NECAP1: variants seen among roughly 807,000 people sequenced by gnomAD.
The protein encoded by NECAP1 is adaptin ear-binding coat-associated protein 1.
Under a neutral mutation model 33.4 loss-of-function variants are expected in NECAP1, and 13 were observed. The observed-to-expected ratio is 0.39, with a 90% CI of 0.25 to 0.62. The LOEUF is 0.62. Ranked by LOEUF, NECAP1 falls within the 20% of genes least tolerant of loss-of-function variation. NECAP1 has a pLI of 0.52. For synonymous variants in NECAP1, 109 were observed against 125.2 expected (o/e 0.87, Z 0.86); for missense variants, 272 against 347.4 (o/e 0.78, Z 1.73).
chr12:8,091,857 G>A lies in NECAP1; in HGVS notation c.383+7G>A. On this transcript the variant is annotated splice_region_variant and intron_variant, in intron 4 of 7. Coordinates refer to ENST00000339754, the MANE Select transcript of NECAP1 (RefSeq NM_015509.4). ...CCTTGCAGGATCACTTCAAGTGAGT[G>A]AAGCTTGTCCTTAGTTACGAGGCTG... is the stretch of plus-strand genomic sequence containing the variant. The A allele has an allele frequency of 6.2e-7, 1 of 1,611,202 alleles. No homozygotes were observed. The highest frequency in any genetic ancestry group is 8.5e-7 in the Non-Finnish European group (1 of 1,178,294).
At chr12:8,086,378 C>T (rs1400223957) in intron 1 of NECAP1, among the ~76,000 whole-genome samples, 3 of 151,978 alleles carry the variant, frequency 2.0e-5, no homozygotes, top group Admixed American at 1.3e-4. Flanking sequence ...TTTGGGAGGC[C>T]GAGGCGCACG....
chr12:8,086,291 A>G (rs1947489425), intron 1 of NECAP1, among the ~76,000 whole-genome samples: 1 of 152,140 alleles, frequency 6.6e-6, no homozygotes, highest in Non-Finnish European at 1.5e-5. Flanking sequence ...AGACTTCTAG[A>G]CTATGGGAAG....
Position 8,082,391 on chromosome 12 carries a change from C to T in NECAP1, c.95+8C>T. 6.2e-6 allele frequency: 10 copies of T among 1,612,268 alleles called. No individual in the cohort carries two copies. Among genetic ancestry groups the T allele is most frequent in the Non-Finnish European group, 8.5e-6 (10 of 1,178,630 alleles). Reference sequence around the variant, plus strand: ...CTCCAACCGCGGTTACAGGTACTAACCCCGAGGCGCTGCCGCACACGCGTA... The same window carrying T: ...CTCCAACCGCGGTTACAGGTACTAATCCCGAGGCGCTGCCGCACACGCGTA... On this transcript the variant is annotated splice_region_variant and intron_variant, in intron 1 of 7. Coordinates refer to ENST00000339754, the MANE Select transcript of NECAP1 (RefSeq NM_015509.4).
At chr12:8,083,621 G>C (rs1947463003) in intron 1 of NECAP1, among the ~76,000 whole-genome samples, 1 of 151,230 alleles carries the variant, frequency 6.6e-6, no homozygotes, top group East Asian at 1.9e-4. Context: ...GTAGAGATGG[G>C]GTTTCACCAA....
At chr12:8,087,014 TAA>T (rs796203612) in intron 1 of NECAP1, among the ~76,000 whole-genome samples, 11 of 146,458 alleles carry the variant, frequency 7.5e-5, no homozygotes, top group South Asian at 4.4e-4. Context: ...TATTTTTTTT[TAA>T]AAAAAAATTC....
intron 1 of NECAP1, among the ~76,000 whole-genome samples, chr12:8,085,113 C>T (rs368317587): frequency 3.9e-5 from 6 of 152,152 alleles, no homozygotes; most frequent in South Asian, 4.2e-4. Context: ...TCCGCCTCCC[C>T]GGTTCAAGTG....
In NECAP1 at chr12:8,097,099, A is replaced by AATAGAAAGCTGCTATTATGT; in HGVS notation, c.*1013_*1032dup. On this transcript the variant is annotated 3_prime_UTR_variant, in exon 8 of 8. Coordinates refer to ENST00000339754, the MANE Select transcript of NECAP1 (RefSeq NM_015509.4). ...TTCTTTTCAGTTCATGTAGTTCTTT[A>AATAGAAAGCTGCTATTATGT]ATAGAAAGCTGCTATTATGTATATT... The AATAGAAAGCTGCTATTATGT allele has an allele frequency of 6.6e-6, 1 of 152,570 alleles. No individual in the cohort carries two copies. Among genetic ancestry groups the AATAGAAAGCTGCTATTATGT allele is most frequent in the Non-Finnish European group, 1.5e-5 (1 of 68,026 alleles). 9.5% of individuals were successfully genotyped at this position (152,570 alleles called of 1,614,324 possible).
intron 4 of NECAP1, chr12:8,092,119 A>G (rs775425955): frequency 8.7e-5 from 39 of 447,246 alleles, no homozygotes; most frequent in Non-Finnish European, 1.4e-4. Flanking sequence ...TTTAGGTGGT[A>G]GAGGGAGGCC....
chr12:8,085,298 G>A (rs757650570), intron 1 of NECAP1, among the ~76,000 whole-genome samples: 82 of 151,480 alleles, frequency 5.4e-4, no homozygotes, highest in Admixed American at 1.1e-3. Flanking sequence ...GATTACAGGC[G>A]TGAGCCACCG....
At chr12:8,085,497 C>G (rs986203551) in intron 1 of NECAP1, among the ~76,000 whole-genome samples, 5 of 152,112 alleles carry the variant, frequency 3.3e-5, no homozygotes, top group Non-Finnish European at 7.3e-5. Context: ...CATTTTTTAT[C>G]CTCCAAGAGG....
chr12:8,093,142 G>T (rs1017814123), intron 6 of NECAP1, 87 bp downstream of exon 6: 79 of 1,362,702 alleles, frequency 5.8e-5, no homozygotes, highest in Middle Eastern at 1.8e-4. Context: ...TAATGTTTTT[G>T]CTATGAAATA....
intron 1 of NECAP1, chr12:8,082,774 T>TCTCTCACACACACACACACACA (rs1400408491): frequency 7.1e-6 from 1 of 141,342 alleles, no homozygotes; most frequent in Non-Finnish European, 1.5e-5. Context: ...TCTCTCTCTC[T>TCTCTCACACACACACACACACA]CACACACACA....
chr12:8,093,867 T>C (rs974296298), intron 6 of NECAP1: 7 of 152,352 alleles, frequency 4.6e-5, no homozygotes, highest in Middle Eastern at 6.8e-3. Flanking sequence ...GTAAATGTTA[T>C]TAAACTTTCC....
intron 3 of NECAP1, 134 bp downstream of exon 3, chr12:8,090,433 T>C (rs965664785): frequency 1.3e-6 from 1 of 760,758 alleles, no homozygotes; most frequent in African/African-American, 1.8e-5. Flanking sequence ...AAAGTTGCTC[T>C]AGTTGCTAAA....
At position 8,092,803 on chromosome 12, in the gene NECAP1, A is replaced by G. The variant is rs150800929; in HGVS notation, c.492+19A>G. The G allele has an allele frequency of 6.6e-4, 1,057 of 1,601,232 alleles. 22 individuals carry two copies. In the East Asian group the frequency reaches 0.016, roughly 24 times the overall value. ...TATCGGGGTGAGTATGGTTTTTAAA[A>G]ATTTTGTTTTCCTGTGCTTCCATAA... On this transcript the variant is annotated intron_variant, in intron 5 of 7. Coordinates refer to ENST00000339754, the MANE Select transcript of NECAP1 (RefSeq NM_015509.4).
chr12:8,083,421 C>CTTTTTTTTTTTTT (rs71042328), intron 1 of NECAP1, among the ~76,000 whole-genome samples: 4 of 65,840 alleles, frequency 6.1e-5, no homozygotes, highest in Admixed American at 2.4e-4. Context: ...TTTGTTTGTT[C>CTTTTTTTTTTTTT]TTTTTTTTTT....
Position 8,082,314 on chromosome 12 carries a change from C to T in NECAP1, c.26C>T (p.Ser9Phe), listed in dbSNP as rs374673959. 1.2e-6 allele frequency: 2 copies of T among 1,612,876 alleles called. No homozygotes were observed. Among genetic ancestry groups the T allele is most frequent in the Admixed American group, 1.7e-5 (1 of 60,004 alleles). Residue 9 changes from serine (S) to phenylalanine (F), a missense_variant, in exon 1 of 8, where the codon TCT becomes TTT. Coordinates refer to ENST00000339754, the MANE Select transcript of NECAP1 (RefSeq NM_015509.4). MATELEYE[S>F]VLCVKPDVSV... ...ATGGCGACCGAGTTGGAGTACGAGT[C>T]TGTGCTGTGTGTGAAGCCAGACGTC...
chr12:8,087,603 A>C (rs1186118184), intron 1 of NECAP1, among the ~76,000 whole-genome samples: 1 of 151,372 alleles, frequency 6.6e-6, no homozygotes, highest in African/African-American at 2.4e-5. Context: ...AGCTCACTGC[A>C]ACCTCAAATT....
In NECAP1 at chr12:8,090,034, C is replaced by T; in HGVS notation, c.194C>T (p.Ser65Leu). 1 of 1,613,050 alleles carries T rather than the reference C, an allele frequency of 6.2e-7. No homozygotes were observed. The highest frequency in any genetic ancestry group is 8.5e-7 in the Non-Finnish European group (1 of 1,179,046). ...TAYIKLEDKVSGELFAQAPVE... is the reference protein window; with the variant it reads ...TAYIKLEDKVLGELFAQAPVE... Reference sequence around the variant, plus strand: ...TATATCAAACTCGAGGATAAAGTTTCAGGTAATCTTTGCGGGTGACCCTCT... The same window carrying T: ...TATATCAAACTCGAGGATAAAGTTTTAGGTAATCTTTGCGGGTGACCCTCT... The change falls in exon 2 of 8, where the codon TCA becomes TTA. Residue 65 changes from serine to leucine, a missense_variant and splice_region_variant. Ser to Leu is a moderately radical substitution (Grantham distance 145). Transcript: ENST00000339754.
Sources: gnomAD v4.1 joint callset for allele counts (sites outside exome capture counted in the v4.1 genomes callset) on GRCh38, gnomAD v4.1.1 for gene constraint, MANE v1.5 for transcripts, NCBI Gene and HGNC (gene_info 2026-07-23, HGNC 2026-07-21) for gene names.